The following IGF1R variants were observed in gnomAD, a reference collection of about 807,000 sequenced individuals.
The protein encoded by IGF1R is insulin-like growth factor 1 receptor.
Under a neutral mutation model 144.6 loss-of-function variants are expected in IGF1R, and 44 were observed. That is an observed-to-expected ratio of 0.30 (90% CI 0.24 to 0.39). IGF1R has a LOEUF of 0.39. Among genes scored for constraint, IGF1R ranks in the 10% least tolerant of loss-of-function variants. The pLI is 1.00. For synonymous variants in IGF1R, 795 were observed against 722.8 expected, an observed-to-expected ratio of 1.10 and a Z score of -1.60; for missense variants, 1,355 against 1,833.7, an observed-to-expected ratio of 0.74 and a Z score of 4.77.
intron 2 of IGF1R, among the ~76,000 whole-genome samples, chr15:98,844,265 T>G (rs895445574): frequency 6.6e-6 from 1 of 152,180 alleles, no homozygotes; most frequent in Non-Finnish European, 1.5e-5. Flanking sequence ...GGATACCAAG[T>G]CTAAATAAAT....
chr15:98,840,869 CG>C (rs2011162122), intron 2 of IGF1R, among the ~76,000 whole-genome samples: 1 of 151,918 alleles, frequency 6.6e-6, no homozygotes, highest in Admixed American at 6.6e-5. Flanking sequence ...TTAGTAGAGA[CG>C]GGGTTTCACC....
intron 2 of IGF1R, among the ~76,000 whole-genome samples, chr15:98,815,247 T>C (rs551061226): frequency 7.9e-5 from 12 of 152,386 alleles, no homozygotes; most frequent in African/African-American, 2.9e-4. Context: ...AAGAACTTTC[T>C]GGATGAGGTC....
intron 2 of IGF1R, among the ~76,000 whole-genome samples, chr15:98,847,926 C>T (rs1233242893): frequency 3.9e-5 from 6 of 152,144 alleles, no homozygotes; most frequent in Non-Finnish European, 7.3e-5. Flanking sequence ...CTCTGCCAGC[C>T]CTCCGGGAGC....
At chr15:98,757,295 C>G (rs541834331) in intron 2 of IGF1R, among the ~76,000 whole-genome samples, 1 of 152,180 alleles carries the variant, frequency 6.6e-6, no homozygotes, top group African/African-American at 2.4e-5. Context: ...TCCTGAGTAG[C>G]TGGGATTATA....
At chr15:98,719,983 T>A (rs1184604598) in intron 2 of IGF1R, among the ~76,000 whole-genome samples, 1 of 152,214 alleles carries the variant, frequency 6.6e-6, no homozygotes, top group East Asian at 1.9e-4. Flanking sequence ...CTCTGACCCC[T>A]TCAGCAAAAA....
At chr15:98,952,143 A>G (rs918658529) in intron 20 of IGF1R, among the ~76,000 whole-genome samples, 2 of 152,168 alleles carry the variant, frequency 1.3e-5, no homozygotes, top group Admixed American at 1.3e-4. Context: ...AGAAGGCACG[A>G]CGTCCTTTCT....
chr15:98,917,695 T>C (rs2015313204), intron 10 of IGF1R, among the ~76,000 whole-genome samples: 1 of 152,206 alleles, frequency 6.6e-6, no homozygotes, highest in African/African-American at 2.4e-5. Context: ...CAGATGAACC[T>C]TGAAGACACC....
rs900890607 is a variant in IGF1R, at chr15:98,649,356, G to T, written c.-226G>T. Reference sequence around the variant, plus strand: ...CGACTCCGCCGAGCCCTGGGCCGCTGCTGCCGGCGCTGAGGGGCCGCCCCG... The same window carrying T: ...CGACTCCGCCGAGCCCTGGGCCGCTTCTGCCGGCGCTGAGGGGCCGCCCCG... On this transcript the variant is annotated 5_prime_UTR_variant, in exon 1 of 21. Coordinates refer to ENST00000650285, the MANE Select transcript of IGF1R (RefSeq NM_000875.5). 4.3e-6 allele frequency: 1 copy of T among 233,770 alleles called. No individual in the cohort carries two copies. The highest frequency in any genetic ancestry group is 2.3e-5 in the African/African-American group (1 of 44,012). The allele number at this position is 233,770 out of a possible 1,614,324, so 14.5% of individuals were successfully genotyped here.
chr15:98,807,628 A>T (rs1027207260), intron 2 of IGF1R, among the ~76,000 whole-genome samples: 1 of 152,210 alleles, frequency 6.6e-6, no homozygotes, highest in Non-Finnish European at 1.5e-5. Context: ...TCTCTGTAAG[A>T]TGGCATTAAT....
intron 18 of IGF1R, among the ~76,000 whole-genome samples, chr15:98,940,038 T>G (rs1441115755): frequency 6.6e-6 from 1 of 152,220 alleles, no homozygotes; most frequent in Non-Finnish European, 1.5e-5. Context: ...GGATTGAATT[T>G]CTGAGCAATG....
chr15:98,923,105 C>A (rs1454273404), intron 11 of IGF1R, among the ~76,000 whole-genome samples: 1 of 152,236 alleles, frequency 6.6e-6, no homozygotes, highest in African/African-American at 2.4e-5. Flanking sequence ...CGTCAGGCTC[C>A]CTGCCTCAGT....
chr15:98,892,261 A>T (rs1567181226), intron 3 of IGF1R, among the ~76,000 whole-genome samples: 1 of 152,164 alleles, frequency 6.6e-6, no homozygotes, highest in African/African-American at 2.4e-5. Context: ...GAAGCAAAGA[A>T]GTTCCTTATG....
chr15:98,813,149 G>A (rs1356203220), intron 2 of IGF1R, among the ~76,000 whole-genome samples: 1 of 152,096 alleles, frequency 6.6e-6, no homozygotes, highest in African/African-American at 2.4e-5. Context: ...TACTTCTGAT[G>A]CTTTGACATC....
At chr15:98,790,348 C>T (rs974651819) in intron 2 of IGF1R, among the ~76,000 whole-genome samples, 2 of 152,214 alleles carry the variant, frequency 1.3e-5, no homozygotes, top group African/African-American at 4.8e-5. Flanking sequence ...CCTCCCTCTT[C>T]TTACAAGTGA....
intron 1 of IGF1R, among the ~76,000 whole-genome samples, chr15:98,681,382 AG>A (rs1882666524): frequency 6.6e-6 from 1 of 152,110 alleles, no homozygotes; most frequent in African/African-American, 2.4e-5. Context: ...AGTTATCAGG[AG>A]GTTTTCATTG....
intron 13 of IGF1R, among the ~76,000 whole-genome samples, chr15:98,926,388 TA>T (rs1239045678): frequency 6.7e-6 from 1 of 150,024 alleles, no homozygotes; most frequent in African/African-American, 2.4e-5. Flanking sequence ...GTTCAATAGA[TA>T]TATTGTACAT....
At chr15:98,730,765 A>G (rs2054479405) in intron 2 of IGF1R, among the ~76,000 whole-genome samples, 1 of 152,230 alleles carries the variant, frequency 6.6e-6, no homozygotes, top group Non-Finnish European at 1.5e-5. Flanking sequence ...TTATTTGTAA[A>G]ATAATTTCAA....
chr15:98,911,428 T>A lies in IGF1R; in HGVS notation c.1576T>A (p.Tyr526Asn), dbSNP rs750559250. ...CAGGGATCTCATCAGCTTCACCGTT[T>A]ACTACAAGGAAGCGTGAGTTTCTGC... ...DYRDLISFTV[Y>N]YKEAPFKNVT... The change falls in exon 7 of 21, where the codon TAC becomes AAC. Residue 526 changes from tyrosine (Y) to asparagine (N), a missense_variant. Around this residue, in one of 7 missense-constraint regions of IGF1R, gnomAD observed 880 missense variants for 1,202.7 expected, o/e 0.73. Transcript: ENST00000650285. 6.2e-7 allele frequency: 1 copy of A among 1,614,206 alleles called. No individual in the cohort carries two copies. The highest frequency in any genetic ancestry group is 1.7e-5 in the Admixed American group (1 of 60,022).
chr15:98,800,185 A>T (rs2056332222), intron 2 of IGF1R, among the ~76,000 whole-genome samples: 1 of 151,910 alleles, frequency 6.6e-6, no homozygotes, highest in Non-Finnish European at 1.5e-5. Context: ...CTTCTAGGTG[A>T]TAAAAGATGC....
Sources: gnomAD v4.1 joint callset for allele counts (sites outside exome capture counted in the v4.1 genomes callset) on GRCh38, gnomAD v4.1.1 for gene constraint, gnomAD v4.1.1 regional missense constraint, MANE v1.5 for transcripts, NCBI Gene and HGNC (gene_info 2026-07-23, HGNC 2026-07-21) for gene names.